OXR1: variants seen among roughly 807,000 people sequenced by gnomAD.
OXR1 encodes oxidation resistance 1.
OXR1 carries 41 observed loss-of-function variants against 104.6 expected under a neutral mutation model. The ratio of observed to expected loss-of-function variants is 0.39; its 90% CI spans 0.31 to 0.51. The LOEUF (loss-of-function observed/expected upper bound fraction) is 0.51. Ranked by LOEUF, OXR1 falls within the 20% of genes least tolerant of loss-of-function variation. The probability of loss-of-function intolerance (pLI) is 0.77; values close to 1 mark genes in which losing one functional copy is unlikely to be tolerated. For missense variants in OXR1, 955 were observed against 1,031.9 expected (o/e 0.93, Z 1.02); for synonymous variants, 348 against 348.4 (o/e 1.00, Z 0.01).
intron 1 of OXR1, among the ~76,000 whole-genome samples, chr8:106,298,538 T>C (rs975958485): frequency 1.3e-5 from 2 of 152,180 alleles, no homozygotes; most frequent in Non-Finnish European, 2.9e-5. Flanking sequence ...TCAATCATGA[T>C]AATAAAGTCT....
rs996073589 is a variant in OXR1, at chr8:106,737,605, C to T, written c.2037+5C>T. ...ACACTCTGCAGACGCCTCCAGGTGC[C>T]CCCTTCAGTAGTTTAAACCCCTCCA... is the stretch of plus-strand genomic sequence containing the variant. On this transcript the variant is annotated splice_donor_5th_base_variant and intron_variant, in intron 12 of 16. Coordinates refer to ENST00000517566, the MANE Select transcript of OXR1 (RefSeq NM_001198533.2). 30 of 1,353,650 alleles carry T rather than the reference C, an allele frequency of 2.2e-5. No homozygotes were observed. The highest frequency in any genetic ancestry group is 2.9e-5 in the Non-Finnish European group (30 of 1,030,222). The allele number at this position is 1,353,650 out of a possible 1,614,324, so 83.9% of individuals were successfully genotyped here. A position where few individuals can be genotyped will look rare whatever the true frequency, so the allele number is the denominator to read the frequency against.
chr8:106,584,897 C>T (rs1049060754), intron 3 of OXR1, among the ~76,000 whole-genome samples: 5 of 152,000 alleles, frequency 3.3e-5, no homozygotes, highest in African/African-American at 9.7e-5. Context: ...GTGGTTGGTT[C>T]TGGAGAGTAG....
intron 3 of OXR1, among the ~76,000 whole-genome samples, chr8:106,595,798 A>G (rs1027533907): frequency 3.3e-5 from 5 of 152,176 alleles, no homozygotes; most frequent in African/African-American, 1.2e-4. Flanking sequence ...AGCAGTATTC[A>G]AATTCTCAAA....
At chr8:106,475,400 T>A (rs942924009) in intron 2 of OXR1, among the ~76,000 whole-genome samples, 1 of 151,900 alleles carries the variant, frequency 6.6e-6, no homozygotes, top group African/African-American at 2.4e-5. Flanking sequence ...TGTCTTCACA[T>A]TGAGTAGGCT....
At chr8:106,344,771 A>G (rs75730553) in intron 1 of OXR1, among the ~76,000 whole-genome samples, 10,244 of 152,100 alleles carry the variant, frequency 0.067, 365 homozygotes, top group Non-Finnish European at 0.073. Flanking sequence ...TATGTGTAAC[A>G]CTCTTGTATT....
intron 3 of OXR1, among the ~76,000 whole-genome samples, chr8:106,554,504 T>G (rs1453614407): frequency 1.3e-5 from 2 of 152,188 alleles, no homozygotes; most frequent in African/African-American, 4.8e-5. Context: ...ACCGGTAGAT[T>G]AGTTAAAATA....
chr8:106,422,154 A>G (rs1458457267), intron 2 of OXR1, among the ~76,000 whole-genome samples: 2 of 152,208 alleles, frequency 1.3e-5, no homozygotes, highest in African/African-American at 2.4e-5. Context: ...AGAGCTTACT[A>G]GTTCTACATA....
chr8:106,563,877 C>T (rs1421878302), intron 3 of OXR1, among the ~76,000 whole-genome samples: 1 of 152,158 alleles, frequency 6.6e-6, no homozygotes, highest in Admixed American at 6.5e-5. Flanking sequence ...GCAGCCTACT[C>T]CTGAATGACT....
chr8:106,544,207 C>CTT (rs71307066), intron 3 of OXR1, among the ~76,000 whole-genome samples: 13 of 135,538 alleles, frequency 9.6e-5, no homozygotes, highest in African/African-American at 2.2e-4. Flanking sequence ...TTTTCTTTTT[C>CTT]TTTTTTTTTT....
At chr8:106,607,877 C>A (rs1820523250) in intron 3 of OXR1, among the ~76,000 whole-genome samples, 1 of 151,536 alleles carries the variant, frequency 6.6e-6, no homozygotes, top group Admixed American at 6.6e-5. Flanking sequence ...TCAGCCAAAC[C>A]TACACAGTAT....
At chr8:106,293,224 G>GC (rs1812831173) in intron 1 of OXR1, among the ~76,000 whole-genome samples, 1 of 152,120 alleles carries the variant, frequency 6.6e-6, no homozygotes, top group African/African-American at 2.4e-5. Flanking sequence ...AGAAGCTTGG[G>GC]CCAAAATGTA....
chr8:106,367,321 C>T (rs1432740151), intron 2 of OXR1, among the ~76,000 whole-genome samples: 1 of 151,960 alleles, frequency 6.6e-6, no homozygotes, highest in Non-Finnish European at 1.5e-5. Flanking sequence ...CCTTGGCCTC[C>T]CAAAGTGCTG....
chr8:106,379,460 T>A (rs2130401471), intron 2 of OXR1, among the ~76,000 whole-genome samples: 2 of 152,106 alleles, frequency 1.3e-5, no homozygotes, highest in Middle Eastern at 3.4e-3. Flanking sequence ...TTAATTGATA[T>A]AAACACTGGA....
chr8:106,705,763 G>A (rs1327699827), intron 8 of OXR1, among the ~76,000 whole-genome samples: 1 of 152,056 alleles, frequency 6.6e-6, no homozygotes, highest in Non-Finnish European at 1.5e-5. Flanking sequence ...CATTTGTCTA[G>A]TATCTAAACT....
chr8:106,538,373 C>T (rs1036280176), intron 3 of OXR1, among the ~76,000 whole-genome samples: 2 of 152,140 alleles, frequency 1.3e-5, no homozygotes, highest in African/African-American at 4.8e-5. Context: ...TTTAGCACAA[C>T]GCCTCTCTAA....
intron 1 of OXR1, among the ~76,000 whole-genome samples, chr8:106,355,444 A>T (rs553114565): frequency 5.3e-5 from 8 of 152,252 alleles, no homozygotes; most frequent in Admixed American, 6.5e-5. Flanking sequence ...AGGGTTTTTT[A>T]AAAAAATCAC....
At chr8:106,591,506 T>C (rs991178946) in intron 3 of OXR1, among the ~76,000 whole-genome samples, 9 of 151,954 alleles carry the variant, frequency 5.9e-5, no homozygotes, top group African/African-American at 2.2e-4. Context: ...AGAAAAATTA[T>C]TAAAAAATAA....
rs10718309 is a variant in OXR1 at position 106,616,030 on chromosome 8, C to CTTTTT, written c.221-63161_221-63157dup. ...AAATTAATATCCAATGAAACACCTT[C>CTTTTT]TTTTTTTTTTTTTTTTTTTTTTTGA... On this transcript the variant is annotated intron_variant, in intron 3 of 16. Coordinates refer to ENST00000517566, the MANE Select transcript of OXR1 (RefSeq NM_001198533.2). Among the ~76,000 whole-genome samples, 113 of 73,304 alleles carry CTTTTT rather than the reference C, an allele frequency of 1.5e-3. 1 individual carries two copies. Among genetic ancestry groups the CTTTTT allele is most frequent in the African/African-American group, 2.8e-3 (51 of 18,326 alleles). 48.1% of individuals were successfully genotyped at this position (73,304 alleles called of 152,430 possible).
At chr8:106,495,235 A>G (rs1811338910) in intron 2 of OXR1, among the ~76,000 whole-genome samples, 1 of 152,168 alleles carries the variant, frequency 6.6e-6, no homozygotes. Flanking sequence ...GTTTGTAAAT[A>G]TGCAATAATA....
Sources: allele counts gnomAD v4.1 joint callset (sites outside exome capture counted in the v4.1 genomes callset), GRCh38; gene constraint gnomAD v4.1.1; transcripts MANE v1.5; gene names NCBI Gene and HGNC (gene_info 2026-07-23, HGNC 2026-07-21).